LRIG1: variants seen among roughly 807,000 people sequenced by gnomAD.
LRIG1 encodes the protein leucine-rich repeats and immunoglobulin-like domains protein 1.
In LRIG1, 48 loss-of-function variants were observed where a neutral mutation model predicts 99.2. That is an observed-to-expected ratio of 0.48 (90% CI 0.38 to 0.62). The LOEUF (loss-of-function observed/expected upper bound fraction) is 0.62, where lower values mean the gene tolerates loss of function less well. Ranked by LOEUF, LRIG1 falls within the 20% of genes least tolerant of loss-of-function variation. LRIG1 has a pLI of 0.00. For missense variants in LRIG1, 1,646 were observed against 1,434.4 expected, an observed-to-expected ratio of 1.15 and a Z score of -2.38; for synonymous variants, 772 against 596.1, an observed-to-expected ratio of 1.29 and a Z score of -4.30.
At chr3:66,465,080 C>T (rs1366617054) in intron 1 of LRIG1, among the ~76,000 whole-genome samples, 2 of 152,088 alleles carry the variant, frequency 1.3e-5, no homozygotes, top group African/African-American at 2.4e-5. Context: ...GGGTGCTACC[C>T]AGAAAGGGTA....
chr3:66,468,461 T>C (rs1700524544), intron 1 of LRIG1, among the ~76,000 whole-genome samples: 1 of 152,178 alleles, frequency 6.6e-6, no homozygotes, highest in Admixed American at 6.5e-5. Flanking sequence ...CTTGGTTTGG[T>C]TTCCAGGCTA....
chr3:66,489,527 G>C (rs1297311311), intron 1 of LRIG1, among the ~76,000 whole-genome samples: 2 of 2,842 alleles, frequency 7.0e-4, no homozygotes, highest in African/African-American at 7.6e-4. Context: ...TTGTGTGTAT[G>C]TGTGTGTGTG....
intron 1 of LRIG1, among the ~76,000 whole-genome samples, chr3:66,489,380 G>A (rs1348952294): frequency 6.6e-6 from 1 of 152,156 alleles, no homozygotes; most frequent in Non-Finnish European, 1.5e-5. Context: ...AAACTAGCCA[G>A]GTGTGGTGGC....
intron 4 of LRIG1, 103 bp downstream of exon 4, chr3:66,417,026 G>A: frequency 1.4e-6 from 2 of 1,457,698 alleles, no homozygotes; most frequent in South Asian, 2.5e-5. Flanking sequence ...TGGTTGAGAA[G>A]GGAAGGAAGC....
intron 3 of LRIG1, among the ~76,000 whole-genome samples, chr3:66,440,237 G>A (rs1179179147): frequency 6.6e-6 from 1 of 152,074 alleles, no homozygotes; most frequent in Non-Finnish European, 1.5e-5. Context: ...CTGCTCCCCA[G>A]CCCACTAACT....
chr3:66,386,154 T>G lies in LRIG1; in HGVS notation c.1616A>C (p.Asn539Thr). Residue 539 changes from asparagine (N) to threonine (T), a missense_variant, in exon 13 of 19, where the codon AAT becomes ACT. Physicochemically the swap from Asn to Thr is moderately conservative, Grantham distance 65. Coordinates refer to ENST00000273261, the MANE Select transcript of LRIG1 (RefSeq NM_015541.3). ...GTGGACAAAGTTCTCCATGTCTGCA[T>G]TGGTCAGGACTTCATTGTCTTTCTT... Reference protein sequence around the residue: ...AWKKDNEVLTNADMENFVHVH... With the variant: ...AWKKDNEVLTTADMENFVHVH... 6.2e-7 allele frequency: 1 copy of G among 1,614,148 alleles called. No homozygotes were observed. Among genetic ancestry groups the G allele is most frequent in the South Asian group, 1.1e-5 (1 of 91,082 alleles).
intron 13 of LRIG1, among the ~76,000 whole-genome samples, chr3:66,385,522 G>T (rs1459782797): frequency 6.6e-6 from 1 of 151,974 alleles, no homozygotes. Flanking sequence ...GAGTGATCTC[G>T]GCTCACTGCA....
chr3:66,431,776 C>T (rs1245506197), intron 3 of LRIG1, among the ~76,000 whole-genome samples: 2 of 152,214 alleles, frequency 1.3e-5, no homozygotes, highest in African/African-American at 2.4e-5. Flanking sequence ...CTCCTTCTCA[C>T]AGCCACCCTT....
At chr3:66,390,926 C>T (rs1701592080) in intron 12 of LRIG1, among the ~76,000 whole-genome samples, 2 of 152,118 alleles carry the variant, frequency 1.3e-5, no homozygotes, top group Admixed American at 6.5e-5. Context: ...TTATGAAGGT[C>T]TCATATCCAG....
At chr3:66,430,280 TA>T (rs1311048055) in intron 3 of LRIG1, among the ~76,000 whole-genome samples, 1 of 152,176 alleles carries the variant, frequency 6.6e-6, no homozygotes, top group Non-Finnish European at 1.5e-5. Context: ...TTAACTTTTT[TA>T]AAAAAGGTAG....
chr3:66,446,385 C>T (rs1193280809), intron 3 of LRIG1, among the ~76,000 whole-genome samples: 1 of 151,168 alleles, frequency 6.6e-6, no homozygotes, highest in Non-Finnish European at 1.5e-5. Flanking sequence ...AGTATCCTAT[C>T]CTCTCCCGCC....
intron 3 of LRIG1, among the ~76,000 whole-genome samples, chr3:66,431,242 G>C (rs554273868): frequency 1.3e-5 from 2 of 152,224 alleles, no homozygotes; most frequent in African/African-American, 4.8e-5. Flanking sequence ...CCCCTTGAGG[G>C]AAGGAGGTAA....
At chr3:66,405,306 C>T (rs201789616) in intron 8 of LRIG1, 28 bp from the exon 9 acceptor site, 24 of 1,585,004 alleles carry the variant, frequency 1.5e-5, no homozygotes, top group East Asian at 2.2e-5. Context: ...AGCAGCTCAC[C>T]GAGCAGTCGG....
intron 13 of LRIG1, 102 bp downstream of exon 13, chr3:66,385,879 T>TCTCA: frequency 9.4e-7 from 1 of 1,064,766 alleles, no homozygotes; most frequent in African/African-American, 1.6e-5. Flanking sequence ...CAGAAGCATG[T>TCTCA]GTGTGTCCTG....
At chr3:66,384,951 G>C (rs1040904274) in intron 13 of LRIG1, among the ~76,000 whole-genome samples, 1 of 152,182 alleles carries the variant, frequency 6.6e-6, no homozygotes, top group Admixed American at 6.5e-5. Flanking sequence ...TGAGGACTTG[G>C]AATAAGCCAA....
At chr3:66,486,739 C>A (rs1700983613) in intron 1 of LRIG1, among the ~76,000 whole-genome samples, 1 of 152,220 alleles carries the variant, frequency 6.6e-6, no homozygotes, top group African/African-American at 2.4e-5. Flanking sequence ...AGACTCACGT[C>A]CAATCACTCT....
intron 2 of LRIG1, among the ~76,000 whole-genome samples, chr3:66,458,684 A>G (rs547225060): frequency 3.0e-4 from 45 of 152,264 alleles, no homozygotes; most frequent in African/African-American, 1.0e-3. Flanking sequence ...CCACGGTGAC[A>G]GAGCAACACT....
chr3:66,483,915 G>T (rs147770404), intron 1 of LRIG1, among the ~76,000 whole-genome samples: 48 of 152,352 alleles, frequency 3.2e-4, no homozygotes, highest in African/African-American at 1.0e-3. Context: ...CTCATGTGGG[G>T]ACAGTTCACA....
intron 1 of LRIG1, among the ~76,000 whole-genome samples, chr3:66,479,084 A>G (rs1700789118): frequency 1.3e-5 from 2 of 152,152 alleles, no homozygotes; most frequent in Admixed American, 1.3e-4. Context: ...GGTCTCCACC[A>G]AGCACTTCAC....
Sources: gnomAD v4.1 joint callset for allele counts (sites outside exome capture counted in the v4.1 genomes callset) on GRCh38, gnomAD v4.1.1 for gene constraint, MANE v1.5 for transcripts, NCBI Gene and HGNC (gene_info 2026-07-23, HGNC 2026-07-21) for gene names.